Variants in PCDHGA5 observed in about 807,000 individuals in gnomAD.
PCDHGA5 encodes protocadherin gamma subfamily A, 5, also known as protocadherin gamma-A5.
Under a neutral mutation model 56.7 loss-of-function variants are expected in PCDHGA5, and 36 were observed. That is an observed-to-expected ratio of 0.64 (90% CI 0.49 to 0.84). The LOEUF is 0.84. Ranked by LOEUF, PCDHGA5 falls within the 40% of genes least tolerant of loss-of-function variation. The pLI is 0.00. For synonymous variants in PCDHGA5, 563 were observed against 520.2 expected (o/e 1.08, Z -1.12); for missense variants, 1,305 against 1,201.5 (o/e 1.09, Z -1.27).
Position 141,364,781 on chromosome 5 carries a change from C to A in PCDHGA5, c.451C>A (p.Arg151=). ...TAATGAAAATGCGGCTGCAGGGACA[C>A]GGTTAGTGCTTCCCTTCGCGCGGGA... ...KVNENAAAGT[R]LVLPFARDAD... Residue 151 remains arginine, a synonymous_variant, in exon 1 of 4, where the codon CGG becomes AGG. Transcript: ENST00000518069. The A allele has an allele frequency of 6.2e-7, 1 of 1,613,988 alleles. No individual in the cohort carries two copies. The highest frequency in any genetic ancestry group is 8.5e-7 in the Non-Finnish European group (1 of 1,179,900).
chr5:141,413,036 T>TGGGCTGCA, intron 1 of PCDHGA5: 1 of 805,900 alleles, frequency 1.2e-6, no homozygotes, highest in Non-Finnish European at 1.9e-6. Flanking sequence ...AACCGGCTGC[T>TGGGCTGCA]GGGCTGCAGG....
chr5:141,381,965 G>A (rs571350764), intron 1 of PCDHGA5, among the ~76,000 whole-genome samples: 2 of 151,078 alleles, frequency 1.3e-5, no homozygotes, highest in Admixed American at 1.3e-4. Context: ...GAGTAGCTGG[G>A]ATTACAGGCG....
At chr5:141,451,049 C>T (rs538627151) in intron 1 of PCDHGA5, among the ~76,000 whole-genome samples, 1 of 151,422 alleles carries the variant, frequency 6.6e-6, no homozygotes, top group African/African-American at 2.4e-5. Context: ...AGGCTGGTCT[C>T]GAACTCCTGA....
intron 1 of PCDHGA5, chr5:141,394,909 C>A (rs1349151273): frequency 1.9e-6 from 3 of 1,613,418 alleles, no homozygotes; most frequent in East Asian, 4.5e-5. Context: ...GCAGTGGCTG[C>A]CATCTCCTGT....
At chr5:141,376,832 G>T (rs1773425503) in intron 1 of PCDHGA5, 2 of 257,250 alleles carry the variant, frequency 7.8e-6, no homozygotes, top group Non-Finnish European at 1.5e-5. Context: ...GACTACAGGC[G>T]CCCGCCACCG....
At chr5:141,469,362 G>C (rs915161729) in intron 1 of PCDHGA5, among the ~76,000 whole-genome samples, 14 of 152,084 alleles carry the variant, frequency 9.2e-5, no homozygotes, top group Non-Finnish European at 7.4e-5. Flanking sequence ...GGATCATGAG[G>C]TAAAGAGATC....
intron 1 of PCDHGA5, among the ~76,000 whole-genome samples, chr5:141,387,064 G>A (rs2090802887): frequency 6.6e-6 from 1 of 152,174 alleles, no homozygotes; most frequent in Admixed American, 6.5e-5. Context: ...ATGAGGAGAG[G>A]AGTAGGCTAC....
chr5:141,419,809 A>G (rs1181621732), intron 1 of PCDHGA5: 2 of 1,613,916 alleles, frequency 1.2e-6, no homozygotes, highest in African/African-American at 2.7e-5. Flanking sequence ...GAGATGGAGG[A>G]CAGCCACCCC....
At chr5:141,415,725 T>A in intron 1 of PCDHGA5, 1 of 1,437,122 alleles carries the variant, frequency 7.0e-7, no homozygotes, top group Non-Finnish European at 9.2e-7. Context: ...TGAGTAGAAT[T>A]TGATGTTTAT....
chr5:141,398,862 C>A (rs771326288), intron 1 of PCDHGA5: 5 of 1,613,966 alleles, frequency 3.1e-6, no homozygotes, highest in Admixed American at 1.7e-5. Flanking sequence ...TCAACCGAGA[C>A]GTGTACAGAG....
intron 1 of PCDHGA5, chr5:141,413,820 C>G (rs967941133): frequency 5.6e-6 from 9 of 1,613,086 alleles, no homozygotes; most frequent in South Asian, 1.1e-5. Flanking sequence ...ACCACCTGGT[C>G]CTCACCGCCT....
intron 1 of PCDHGA5, chr5:141,421,587 G>A: frequency 1.2e-6 from 2 of 1,613,900 alleles, no homozygotes; most frequent in South Asian, 1.1e-5. Context: ...TTTACGGAGT[G>A]GAGGTGGAAA....
Position 141,419,293 on chromosome 5 carries a change from C to A in PCDHGA5, c.2421+52542C>A, listed in dbSNP as rs748856660. 1.5e-5 allele frequency: 25 copies of A among 1,614,026 alleles called. No individual in the cohort carries two copies. The African/African-American group carries it at 3.2e-4, about 21-fold the overall frequency. Reference sequence around the variant, plus strand: ...CCATAGCGCAAGTCAGTGCCTCTGACCCAGACTTCGGGCTCAACGGCCGTG... The same window carrying A: ...CCATAGCGCAAGTCAGTGCCTCTGAACCAGACTTCGGGCTCAACGGCCGTG... On this transcript the variant is annotated intron_variant, in intron 1 of 3. Transcript: ENST00000518069.
At chr5:141,483,907 C>A (rs545585133) in intron 1 of PCDHGA5, among the ~76,000 whole-genome samples, 1 of 151,240 alleles carries the variant, frequency 6.6e-6, no homozygotes, top group East Asian at 1.9e-4. Context: ...TGGTGTGTTT[C>A]CCACTCAGAT....
At chr5:141,460,883 C>T (rs371847673) in intron 1 of PCDHGA5, among the ~76,000 whole-genome samples, 2 of 149,996 alleles carry the variant, frequency 1.3e-5, no homozygotes, top group East Asian at 2.0e-4. Context: ...TATTTCATGC[C>T]TTTTCGTGGC....
chr5:141,415,717 A>G, intron 1 of PCDHGA5: 1 of 839,652 alleles, frequency 1.2e-6, no homozygotes, highest in Non-Finnish European at 1.8e-6. Flanking sequence ...AACACTGATG[A>G]GTAGAATTTG....
chr5:141,453,101 T>TTTCTG (rs1554138035), intron 1 of PCDHGA5, among the ~76,000 whole-genome samples: 1 of 152,012 alleles, frequency 6.6e-6, no homozygotes, highest in Non-Finnish European at 1.5e-5. Context: ...TTCTGTTGCT[T>TTTCTG]TTTTGTTTTG....
At position 141,432,612 on chromosome 5, in the gene PCDHGA5, C is replaced by A. The variant is rs752901891; in HGVS notation, c.2422-62195C>A. On this transcript the variant is annotated intron_variant, in intron 1 of 3. Transcript: ENST00000518069. This position sits in a 1 kb window ranked among gnomAD's most constrained non-coding sequence, Gnocchi z 6.0. ...AAGGCCAGCGAGCCGGGACTCTTCT[C>A]GGTGGGTCTGCACACGGGCGAGGTG... 1 of 1,613,912 alleles carries A rather than the reference C, an allele frequency of 6.2e-7. No individual in the cohort carries two copies. The highest frequency in any genetic ancestry group is 1.1e-5 in the South Asian group (1 of 91,062).
intron 1 of PCDHGA5, among the ~76,000 whole-genome samples, chr5:141,453,293 T>TTATG: frequency 6.6e-6 from 1 of 151,872 alleles, no homozygotes; most frequent in Non-Finnish European, 1.5e-5. Flanking sequence ...TTTTAATTAT[T>TTATG]TATTTATTTA....
Sources: allele counts gnomAD v4.1 joint callset (sites outside exome capture counted in the v4.1 genomes callset), GRCh38; gene constraint gnomAD v4.1.1; non-coding constraint Gnocchi (gnomAD v3.1); transcripts MANE v1.5; gene names NCBI Gene and HGNC (gene_info 2026-07-23, HGNC 2026-07-21).